Variants in TRAP1 observed in about 807,000 individuals in gnomAD.
TRAP1 encodes heat shock protein 75 kDa, mitochondrial.
TRAP1 carries 102 observed loss-of-function variants against 89.1 expected under a neutral mutation model. That is an observed-to-expected ratio of 1.15 (90% CI 0.98 to 1.35). The LOEUF is 1.35. Among genes scored for constraint, TRAP1 ranks in the 40% most tolerant of loss-of-function variants. TRAP1 has a pLI of 0.00. For synonymous variants in TRAP1, 508 were observed against 388.0 expected, an observed-to-expected ratio of 1.31 and a Z score of -3.64; for missense variants, 1,256 against 945.3, an observed-to-expected ratio of 1.33 and a Z score of -4.31.
At chr16:3,663,892 GTC>G in intron 13 of TRAP1, 1 of 363,596 alleles carries the variant, frequency 2.8e-6, no homozygotes, top group Admixed American at 4.2e-5. Context: ...GTGAAATGCC[GTC>G]TCTATTAAAA....
chr16:3,704,887 C>A (rs2051419261), intron 1 of TRAP1, among the ~76,000 whole-genome samples: 1 of 151,230 alleles, frequency 6.6e-6, no homozygotes, highest in Non-Finnish European at 1.5e-5. Flanking sequence ...CTTATTAAGT[C>A]AAAATGAATT....
At chr16:3,689,691 G>T (rs1200620797) in intron 2 of TRAP1, 1 of 152,414 alleles carries the variant, frequency 6.6e-6, no homozygotes, top group Non-Finnish European at 1.5e-5. Flanking sequence ...AATACACAAA[G>T]TAGCTGACGG....
chr16:3,668,528 C>G (rs2050868237), intron 11 of TRAP1, among the ~76,000 whole-genome samples: 1 of 152,216 alleles, frequency 6.6e-6, no homozygotes, highest in African/African-American at 2.4e-5. Context: ...CTTCCTCTCA[C>G]AGGATTCGAG....
chr16:3,662,929 T>TG lies in TRAP1; in HGVS notation c.1746dup (p.Met583HisfsTer102). ...CCCAGCACATTTCTCATCCAGGCCATGAGCTCCTCCGTCTCCTTCTCTGAT... is the reference window on the plus strand; with the variant it reads ...CCCAGCACATTTCTCATCCAGGCCATGGAGCTCCTCCGTCTCCTTCTCTGAT... On this transcript the variant is annotated frameshift_variant, in exon 15 of 18. Coordinates refer to ENST00000246957, the MANE Select transcript of TRAP1 (RefSeq NM_016292.3). LOFTEE classifies it high-confidence loss of function. 6.2e-7 allele frequency: 1 copy of TG among 1,613,022 alleles called. No homozygotes were observed.
chr16:3,682,899 T>C (rs1459729206), intron 4 of TRAP1, among the ~76,000 whole-genome samples: 1 of 151,936 alleles, frequency 6.6e-6, no homozygotes, highest in African/African-American at 2.4e-5. Context: ...CTGGGTGCGG[T>C]AGCTCATGCC....
At chr16:3,701,550 C>CAAAAAAAA (rs34870237) in intron 1 of TRAP1, among the ~76,000 whole-genome samples, 1 of 120,082 alleles carries the variant, frequency 8.3e-6, no homozygotes, top group African/African-American at 3.1e-5. Context: ...GACCCTGTCC[C>CAAAAAAAA]AAAAAAAAAA....
At chr16:3,700,852 T>C (rs2051355789) in intron 1 of TRAP1, among the ~76,000 whole-genome samples, 1 of 151,590 alleles carries the variant, frequency 6.6e-6, no homozygotes, top group Non-Finnish European at 1.5e-5. Flanking sequence ...TAAACCACAA[T>C]GGAAATCTCA....
At chr16:3,696,797 G>A (rs931748571) in intron 1 of TRAP1, among the ~76,000 whole-genome samples, 21 of 151,452 alleles carry the variant, frequency 1.4e-4, no homozygotes, top group African/African-American at 4.1e-4. Context: ...AGTGATCTTG[G>A]CTCACAGCAG....
At chr16:3,686,244 CAATTCTCAAAGCATAAAGAG>C in intron 3 of TRAP1, 108 bp from the exon 4 acceptor site, 1 of 1,312,454 alleles carries the variant, frequency 7.6e-7, no homozygotes, top group Non-Finnish European at 1.1e-6. Flanking sequence ...GGAGAATAGT[CAATTCTCAAAGCATAAAGAG>C]TTTCTGCTTT....
intron 1 of TRAP1, among the ~76,000 whole-genome samples, chr16:3,710,880 T>TATATATATATA (rs1555468286): frequency 2.2e-5 from 2 of 89,508 alleles, no homozygotes; most frequent in East Asian, 4.3e-4. Context: ...TATATATATA[T>TATATATATATA]TTTTTTTTTT....
rs140065140 is a variant in TRAP1, at chr16:3,667,218, G to A, written c.1236-1100C>T. Among the ~76,000 whole-genome samples the A allele has an allele frequency of 8.1e-3, 1,231 of 152,288 alleles. 13 individuals are homozygous for A. The highest frequency in any genetic ancestry group is 0.015 in the Non-Finnish European group (1,001 of 68,006). ...GGTGTCCAGGCTGGGGGCGTGACCAGCCCACCGTGAAGAGTCAGAGCCCAA... is the reference window on the plus strand; with the variant it reads ...GGTGTCCAGGCTGGGGGCGTGACCAACCCACCGTGAAGAGTCAGAGCCCAA... On this transcript the variant is annotated intron_variant, in intron 11 of 17. Transcript: ENST00000246957.
At chr16:3,673,492 C>T (rs1301599009) in intron 9 of TRAP1, among the ~76,000 whole-genome samples, 5 of 152,192 alleles carry the variant, frequency 3.3e-5, no homozygotes, top group Non-Finnish European at 7.3e-5. Context: ...GGTTAAAATG[C>T]GGCGGGTATC....
At chr16:3,690,150 G>C (rs1485905568) in intron 2 of TRAP1, among the ~76,000 whole-genome samples, 2 of 152,066 alleles carry the variant, frequency 1.3e-5, no homozygotes, top group South Asian at 2.1e-4. Context: ...GGAACCACTG[G>C]TGTGTGCTAC....
rs1428645173 is a variant in TRAP1, at chr16:3,658,688, AACAAAAAG to A, written c.2013+97_2013+104del. On this transcript the variant is annotated intron_variant, in intron 17 of 17. Transcript: ENST00000246957. ...CTCCATCTCAAAAAACAAACAAACA[AACAAAAAG>A]ACAGGATTTTAGAGGAAACCGCTGT... 6 of 1,169,682 alleles carry A rather than the reference AACAAAAAG, an allele frequency of 5.1e-6. No individual in the cohort carries two copies. In the Admixed American group the frequency reaches 6.9e-5, roughly 14 times the overall value. 72.5% of individuals were successfully genotyped at this position (1,169,682 alleles called of 1,614,324 possible).
intron 11 of TRAP1, among the ~76,000 whole-genome samples, chr16:3,670,493 G>A (rs1411117291): frequency 6.6e-6 from 1 of 151,556 alleles, no homozygotes; most frequent in African/African-American, 2.4e-5. Context: ...TTGAGCCCAG[G>A]AGTTCAAGAT....
rs2043175485 is a variant in TRAP1 at position 3,663,077 on chromosome 16, A to T, written c.1709-110T>A. ...CCCACCTCCTCTCCCACCAGGATGG[A>T]GACACAAGCTAGCAAGATGCTTTTC... On this transcript the variant is annotated intron_variant, in intron 14 of 17. Transcript: ENST00000246957. The T allele has an allele frequency of 5.2e-5, 43 of 830,768 alleles. No individual in the cohort carries two copies. In the South Asian group the frequency reaches 6.8e-4, roughly 13 times the overall value. The allele number at this position is 830,768 out of a possible 1,614,324, so 51.5% of individuals were successfully genotyped here. A position where few individuals can be genotyped will look rare whatever the true frequency, so the allele number is the denominator to read the frequency against.
intron 5 of TRAP1, among the ~76,000 whole-genome samples, chr16:3,679,009 A>G (rs2051038710): frequency 6.6e-6 from 1 of 152,132 alleles, no homozygotes. Context: ...TGTGGGTTTG[A>G]TGGTTCTGGT....
At chr16:3,699,523 G>C (rs552580265) in intron 1 of TRAP1, among the ~76,000 whole-genome samples, 190 of 151,876 alleles carry the variant, frequency 1.3e-3, no homozygotes, top group African/African-American at 4.3e-3. Flanking sequence ...CTACTCGGGA[G>C]GCTGAGGCAG....
intron 17 of TRAP1, 27 bp downstream of exon 17, chr16:3,658,766 G>C: frequency 6.2e-7 from 1 of 1,607,550 alleles, no homozygotes; most frequent in Non-Finnish European, 8.5e-7. Flanking sequence ...CTGGGTCCCT[G>C]CAGTCATCCT....
Sources: allele counts gnomAD v4.1 joint callset (sites outside exome capture counted in the v4.1 genomes callset), GRCh38; gene constraint gnomAD v4.1.1; transcripts MANE v1.5; gene names NCBI Gene and HGNC (gene_info 2026-07-23, HGNC 2026-07-21).